The following LCORL variants were observed in gnomAD, a reference collection of about 807,000 sequenced individuals.
LCORL encodes the protein ligand dependent nuclear receptor corepressor like.
A neutral mutation model predicts 141.8 loss-of-function variants in LCORL; 41 were observed. The observed-to-expected ratio is 0.29, with a 90% CI of 0.23 to 0.38. LCORL has a LOEUF of 0.38. Among genes scored for constraint, LCORL ranks in the 10% least tolerant of loss-of-function variants. The pLI, the probability that LCORL is intolerant of heterozygous loss-of-function variation, is 1.00. For missense variants in LCORL, 1,759 were observed against 2,035.0 expected (o/e 0.86, Z 2.61); for synonymous variants, 618 against 694.1 (o/e 0.89, Z 1.72).
At chr4:17,887,306 C>T (rs987961293) in intron 5 of LCORL, among the ~76,000 whole-genome samples, 2 of 152,076 alleles carry the variant, frequency 1.3e-5, no homozygotes, top group Non-Finnish European at 2.9e-5. Flanking sequence ...TACAACACCA[C>T]AACCAGCACC....
chr4:17,992,382 G>A (rs1273982697), intron 1 of LCORL, among the ~76,000 whole-genome samples: 1 of 152,132 alleles, frequency 6.6e-6, no homozygotes, highest in Non-Finnish European at 1.5e-5. Context: ...CTAACACGTG[G>A]GGATTACAAT....
chr4:17,942,539 T>C (rs1738139235), intron 4 of LCORL, among the ~76,000 whole-genome samples: 1 of 152,088 alleles, frequency 6.6e-6, no homozygotes, highest in Non-Finnish European at 1.5e-5. Context: ...AAGAAAAGCA[T>C]TTACCTAGAA....
intron 7 of LCORL, among the ~76,000 whole-genome samples, chr4:17,848,487 C>T (rs1723195903): frequency 6.6e-6 from 1 of 152,230 alleles, no homozygotes; most frequent in Non-Finnish European, 1.5e-5. Context: ...GTAGCTGAGA[C>T]TACAAGTGTG....
chr4:17,972,659 T>C (rs974261330), intron 2 of LCORL, among the ~76,000 whole-genome samples, 161 bp downstream of exon 2: 2 of 151,644 alleles, frequency 1.3e-5, no homozygotes, highest in African/African-American at 4.8e-5. Flanking sequence ...AAATATGGTA[T>C]GTAATAAAAA....
intron 4 of LCORL, among the ~76,000 whole-genome samples, chr4:17,917,453 A>G (rs1733633303): frequency 6.6e-6 from 1 of 152,228 alleles, no homozygotes; most frequent in Non-Finnish European, 1.5e-5. Flanking sequence ...CTGGCCTCCC[A>G]AAGTGCTGGG....
intron 1 of LCORL, among the ~76,000 whole-genome samples, chr4:17,985,768 A>G (rs1718849806): frequency 2.0e-5 from 3 of 152,094 alleles, no homozygotes; most frequent in Admixed American, 6.5e-5. Context: ...AACATTCAAC[A>G]TTAGTATTGA....
Position 18,021,695 on chromosome 4 carries a change from GGCGGCGGCGGCA to G in LCORL, c.45_56del (p.Ala19_Ala22del), listed in dbSNP as rs756828467. On this transcript the variant is annotated inframe_deletion, in exon 1 of 8. Coordinates refer to ENST00000635767, the Ensembl canonical transcript of LCORL. The surrounding 1 kb of genome is among the most constrained non-coding windows in gnomAD (Gnocchi z 5.5). ...GAGGGCTCCGGCACTGAGCGGCGGC[GGCGGCGGCGGCA>G]GCAGCGGCGGCGGCAGCGGCCATTC... The G allele has an allele frequency of 1.6e-5, 25 of 1,532,928 alleles. 1 individual carries two copies. The highest frequency in any genetic ancestry group is 1.8e-4 in the Middle Eastern group (1 of 5,700). 95.0% of individuals were successfully genotyped at this position (1,532,928 alleles called of 1,614,324 possible). A position where few individuals can be genotyped will look rare whatever the true frequency, so the allele number is the denominator to read the frequency against.
intron 1 of LCORL, among the ~76,000 whole-genome samples, chr4:17,982,367 C>T (rs1219923808): frequency 2.6e-5 from 4 of 152,112 alleles, no homozygotes; most frequent in South Asian, 4.1e-4. Context: ...CAATGCTTTC[C>T]ACAATGGTTG....
intron 5 of LCORL, among the ~76,000 whole-genome samples, chr4:17,897,758 A>G (rs1730217801): frequency 6.6e-6 from 1 of 152,178 alleles, no homozygotes; most frequent in South Asian, 2.1e-4. Flanking sequence ...TGACTCCTGT[A>G]TTCTTTTAAC....
Position 17,897,213 on chromosome 4 carries a change from CTTTTTTTTT to C in LCORL, c.683-11061_683-11053del, listed in dbSNP as rs761784734. Among the ~76,000 whole-genome samples the C allele has an allele frequency of 1.2e-3, 79 of 63,984 alleles. 9 individuals are homozygous for C. The highest frequency in any genetic ancestry group is 3.6e-3 in the African/African-American group (63 of 17,322). The allele number at this position is 63,984 out of a possible 152,430, so 42.0% of individuals were successfully genotyped here. On this transcript the variant is annotated intron_variant, in intron 5 of 7. Coordinates refer to ENST00000635767, the Ensembl canonical transcript of LCORL. ...AGACTTCTCTTTGATATACTGATTT[CTTTTTTTTT>C]TTTTTTTTTTTTTTTTTTTTTTTTT...
At chr4:17,981,317 G>A (rs1717937801) in intron 1 of LCORL, among the ~76,000 whole-genome samples, 1 of 152,030 alleles carries the variant, frequency 6.6e-6, no homozygotes, top group African/African-American at 2.4e-5. Flanking sequence ...AATCTTATCA[G>A]CAATGTTTGA....
chr4:18,002,577 AT>A (rs1039349841), intron 1 of LCORL, among the ~76,000 whole-genome samples: 1 of 152,200 alleles, frequency 6.6e-6, no homozygotes, highest in African/African-American at 2.4e-5. Context: ...AAAATGTGTA[AT>A]TTGGGTTTAT....
chr4:17,960,745 T>C (rs894409620), intron 4 of LCORL, among the ~76,000 whole-genome samples: 9 of 152,130 alleles, frequency 5.9e-5, no homozygotes, highest in Non-Finnish European at 1.3e-4. Flanking sequence ...TACGTGCCAC[T>C]GTACCTGGCC....
chr4:17,980,526 CAA>C (rs1339870918), intron 1 of LCORL, among the ~76,000 whole-genome samples: 1 of 152,236 alleles, frequency 6.6e-6, no homozygotes, highest in Non-Finnish European at 1.5e-5. Flanking sequence ...GTGGTACTCA[CAA>C]AGACTTCGAG....
intron 4 of LCORL, among the ~76,000 whole-genome samples, chr4:17,926,363 C>T (rs563103736): frequency 2.6e-5 from 4 of 152,210 alleles, no homozygotes; most frequent in South Asian, 2.1e-4. Flanking sequence ...AAGCAGGCAG[C>T]GGAATGTGGA....
chr4:17,932,924 T>C (rs1736280070), intron 4 of LCORL, among the ~76,000 whole-genome samples: 1 of 152,232 alleles, frequency 6.6e-6, no homozygotes, highest in Admixed American at 6.5e-5. Flanking sequence ...AATTATGTTT[T>C]GACCATCTTC....
At chr4:17,851,494 ATT>A (rs949167839) in intron 7 of LCORL, among the ~76,000 whole-genome samples, 1 of 152,120 alleles carries the variant, frequency 6.6e-6, no homozygotes, top group African/African-American at 2.4e-5. Flanking sequence ...TAAAATATGT[ATT>A]TTGGATACTG....
chr4:17,897,063 G>A (rs964862132), intron 5 of LCORL, among the ~76,000 whole-genome samples: 109 of 151,842 alleles, frequency 7.2e-4, no homozygotes, highest in Non-Finnish European at 3.8e-4. Context: ...TCTTTTTTAT[G>A]GCTGAATAGC....
chr4:18,021,818 CCT>C lies in LCORL; in HGVS notation c.-69_-68del. 1 of 1,303,884 alleles carries C rather than the reference CCT, an allele frequency of 7.7e-7. No homozygotes were observed. Among genetic ancestry groups the C allele is most frequent in the Non-Finnish European group, 9.9e-7 (1 of 1,005,590 alleles). The allele number at this position is 1,303,884 out of a possible 1,614,324, so 80.8% of individuals were successfully genotyped here. On this transcript the variant is annotated 5_prime_UTR_variant, in exon 1 of 8. Transcript: ENST00000635767. This position sits in a 1 kb window ranked among gnomAD's most constrained non-coding sequence, Gnocchi z 5.5. ...GCAGGCACGAGGCAGGGGCGCGAGC[CCT>C]CGGCGCGAGCCCCGGAGCGCGCGCC...
Sources: allele counts gnomAD v4.1 joint callset (sites outside exome capture counted in the v4.1 genomes callset), GRCh38; gene constraint gnomAD v4.1.1; non-coding constraint Gnocchi (gnomAD v3.1); transcripts MANE v1.5; gene names NCBI Gene and HGNC (gene_info 2026-07-23, HGNC 2026-07-21).